The following FSD1L variants were observed in gnomAD, a reference collection of about 807,000 sequenced individuals.
FSD1L encodes the protein fibronectin type III and SPRY domain containing 1 like.
A neutral mutation model predicts 71.6 loss-of-function variants in FSD1L; 45 were observed. The observed-to-expected ratio is 0.63, with a 90% CI of 0.49 to 0.81. The LOEUF is 0.81. Ranked by LOEUF, FSD1L falls within the 30% of genes least tolerant of loss-of-function variation. The pLI is 0.00. For synonymous variants in FSD1L, 197 were observed against 207.2 expected (o/e 0.95, Z 0.42); for missense variants, 561 against 618.1 (o/e 0.91, Z 0.98).
chr9:105,494,254 T>C (rs1833182222), intron 7 of FSD1L, among the ~76,000 whole-genome samples: 1 of 152,212 alleles, frequency 6.6e-6, no homozygotes, highest in South Asian at 2.1e-4. Flanking sequence ...ATTCATTTCA[T>C]CTTCCATTGC....
chr9:105,505,579 T>C (rs1055713148), intron 7 of FSD1L, among the ~76,000 whole-genome samples: 2 of 152,140 alleles, frequency 1.3e-5, no homozygotes, highest in African/African-American at 2.4e-5. Flanking sequence ...ATTTTCTACA[T>C]AGGCAGTAAT....
chr9:105,497,705 CT>C (rs1354767335), intron 7 of FSD1L, among the ~76,000 whole-genome samples: 1 of 151,554 alleles, frequency 6.6e-6, no homozygotes, highest in Non-Finnish European at 1.5e-5. Context: ...TTGATGCCCC[CT>C]CTTTCATTTT....
intron 1 of FSD1L, among the ~76,000 whole-genome samples, chr9:105,453,041 GTTGTTT>G (rs1830141079): frequency 9.0e-6 from 1 of 110,610 alleles, no homozygotes; most frequent in Admixed American, 9.9e-5. Context: ...CTGACCTAAA[GTTGTTT>G]TTTTTTTTTT....
At chr9:105,487,115 G>A (rs898332891) in intron 7 of FSD1L, among the ~76,000 whole-genome samples, 30 of 152,100 alleles carry the variant, frequency 2.0e-4, no homozygotes, top group African/African-American at 7.2e-4. Flanking sequence ...CAGTATGTAG[G>A]AGTTCATTCC....
intron 7 of FSD1L, among the ~76,000 whole-genome samples, chr9:105,500,399 T>C (rs1215759399): frequency 6.6e-6 from 1 of 152,184 alleles, no homozygotes; most frequent in Non-Finnish European, 1.5e-5. Flanking sequence ...TCCTGGATTT[T>C]TCGGTGGAAC....
At chr9:105,443,373 C>T (rs1403956924), upstream of FSD1L, among the ~76,000 whole-genome samples, 3 of 152,014 alleles carry the variant, frequency 2.0e-5, no homozygotes, top group Non-Finnish European at 4.4e-5. Context: ...CATCAGCTCT[C>T]GTGAGGCTTA....
chr9:105,537,451 A>G (rs1465389111), intron 12 of FSD1L, among the ~76,000 whole-genome samples: 2 of 152,010 alleles, frequency 1.3e-5, no homozygotes, highest in Non-Finnish European at 2.9e-5. Context: ...TTTTTTTTCA[A>G]CTACCAAGAC....
At chr9:105,467,417 G>C (rs1831156472) in intron 3 of FSD1L, among the ~76,000 whole-genome samples, 1 of 152,028 alleles carries the variant, frequency 6.6e-6, no homozygotes, top group African/African-American at 2.4e-5. Context: ...TGCTTATCTA[G>C]GGATTTTACA....
intron 10 of FSD1L, chr9:105,522,082 T>C: frequency 7.4e-6 from 12 of 1,613,282 alleles, no homozygotes; most frequent in South Asian, 3.3e-5. Flanking sequence ...AAAAAAAATA[T>C]GACCTTGGCA....
rs1231789334 is a variant in FSD1L at position 105,549,515 on chromosome 9, A to G, written c.*3032A>G. The G allele has an allele frequency of 2.0e-5, 3 of 152,016 alleles. No individual in the cohort carries two copies. The highest frequency in any genetic ancestry group is 7.2e-5 in the African/African-American group (3 of 41,448). 9.4% of individuals were successfully genotyped at this position (152,016 alleles called of 1,614,324 possible). On this transcript the variant is annotated 3_prime_UTR_variant, in exon 14 of 14. Transcript: ENST00000481272. ...GTATTAAGGACATGCCTGTCTATAC[A>G]TGGGTTTCATTGATGGTATCTGTAT...
chr9:105,452,022 C>T (rs1830035975), intron 1 of FSD1L, among the ~76,000 whole-genome samples: 2 of 152,112 alleles, frequency 1.3e-5, no homozygotes, highest in South Asian at 4.1e-4. Context: ...CCTGCATATT[C>T]TTCCTACTTG....
intron 3 of FSD1L, among the ~76,000 whole-genome samples, chr9:105,466,098 A>G (rs748388874): frequency 9.9e-5 from 15 of 152,226 alleles, no homozygotes; most frequent in Non-Finnish European, 2.1e-4. Context: ...GCTTCTATAC[A>G]TGAAAAACGA....
At chr9:105,505,448 A>G (rs1193472479) in intron 7 of FSD1L, among the ~76,000 whole-genome samples, 1 of 151,980 alleles carries the variant, frequency 6.6e-6, no homozygotes, top group Non-Finnish European at 1.5e-5. Flanking sequence ...TTTAGTAGAG[A>G]CGGGGTTTCA....
intron 1 of FSD1L, among the ~76,000 whole-genome samples, chr9:105,452,660 TGCC>T (rs1564073227): frequency 0.048 from 6,145 of 128,644 alleles, 188 homozygotes; most frequent in East Asian, 0.07. Flanking sequence ...CCTGCCTGCC[TGCC>T]TGCCTGCCTT....
In FSD1L at chr9:105,456,654, A is replaced by G. The variant is rs79166707; in HGVS notation, c.16-4866A>G. On this transcript the variant is annotated intron_variant, in intron 1 of 13. Transcript: ENST00000481272. ...GTAGCAGTTGCCTTAGTCTAAATCC[A>G]TAGTCACATCATTGTATTTTTTTGT... Among the ~76,000 whole-genome samples the G allele has an allele frequency of 6.3e-3, 962 of 152,330 alleles. 16 individuals are homozygous for G. The highest frequency in any genetic ancestry group is 0.022 in the African/African-American group (913 of 41,566).
At chr9:105,534,859 G>A (rs893366454) in intron 11 of FSD1L, among the ~76,000 whole-genome samples, 2 of 152,164 alleles carry the variant, frequency 1.3e-5, no homozygotes, top group Non-Finnish European at 2.9e-5. Flanking sequence ...AACCTCTGAA[G>A]CGTTTTATAT....
chr9:105,508,565 G>A, intron 8 of FSD1L, 52 bp from the exon 9 acceptor site: 2 of 1,034,574 alleles, frequency 1.9e-6, no homozygotes, highest in Admixed American at 2.0e-5. Flanking sequence ...TTACTTTTGG[G>A]AATAGAATCC....
At chr9:105,512,441 C>A (rs1379788550) in intron 9 of FSD1L, among the ~76,000 whole-genome samples, 3 of 152,062 alleles carry the variant, frequency 2.0e-5, no homozygotes, top group Non-Finnish European at 1.5e-5. Context: ...CTCCTTAATT[C>A]TTCCAGTTCC....
At position 105,448,197 on chromosome 9, in the gene FSD1L, G is replaced by A; in HGVS notation, c.-24G>A. ...ACACGGTTCGTCGTCTCGGGTTCGA[G>A]CCCAGTGGGCTTAGCCACTCGCCAT... On this transcript the variant is annotated 5_prime_UTR_variant, in exon 1 of 14. Coordinates refer to ENST00000481272, the MANE Select transcript of FSD1L (RefSeq NM_001145313.3). The A allele has an allele frequency of 6.5e-7, 1 of 1,541,728 alleles. No homozygotes were observed. The highest frequency in any genetic ancestry group is 1.2e-5 in the South Asian group (1 of 83,918).
Sources: allele counts gnomAD v4.1 joint callset (sites outside exome capture counted in the v4.1 genomes callset), GRCh38; gene constraint gnomAD v4.1.1; transcripts MANE v1.5; gene names NCBI Gene and HGNC (gene_info 2026-07-23, HGNC 2026-07-21).